GPHN: variants seen among roughly 807,000 people sequenced by gnomAD.
GPHN encodes the protein gephyrin.
In GPHN, 17 loss-of-function variants were observed where a neutral mutation model predicts 95.5. That is an observed-to-expected ratio of 0.18 (90% CI 0.12 to 0.27). The LOEUF is 0.27. Ranked by LOEUF, GPHN falls within the 10% of genes least tolerant of loss-of-function variation. The pLI is 1.00. For synonymous variants in GPHN, 320 were observed against 322.5 expected, an observed-to-expected ratio of 0.99 and a Z score of 0.08; for missense variants, 660 against 978.1, an observed-to-expected ratio of 0.67 and a Z score of 4.34.
the GPHN span, among the ~76,000 whole-genome samples, chr14:67,427,104 G>A: frequency 0.015 from 2,336 of 151,954 alleles, 20 homozygotes; most frequent in Middle Eastern, 0.02. Context: ...GGTAGCCAGA[G>A]TGTATTGTGT....
chr14:66,839,728 C>T (rs967922106), intron 4 of GPHN, among the ~76,000 whole-genome samples: 2 of 152,042 alleles, frequency 1.3e-5, no homozygotes, highest in African/African-American at 4.8e-5. Context: ...AAAAGAAATT[C>T]ATATCATGCT....
chr14:67,724,734 C>T, the GPHN span: 2 of 722,122 alleles, frequency 2.8e-6, no homozygotes, highest in Non-Finnish European at 5.0e-6. Context: ...TCAAGTCCAA[C>T]TGTGACACCA....
At chr14:67,306,944 T>A in the GPHN span, among the ~76,000 whole-genome samples, 2 of 152,218 alleles carry the variant, frequency 1.3e-5, no homozygotes, top group East Asian at 3.8e-4. Flanking sequence ...TCTTCCTGAT[T>A]TATGTTTTGT....
the GPHN span, chr14:67,384,651 G>A: frequency 6.6e-6 from 1 of 152,116 alleles, no homozygotes; most frequent in Admixed American, 6.5e-5. Context: ...AATATTAAAG[G>A]GTCTGGAAAA....
chr14:67,671,622 G>A, the GPHN span, among the ~76,000 whole-genome samples: 1 of 152,284 alleles, frequency 6.6e-6, no homozygotes, highest in South Asian at 2.1e-4. Context: ...AGACAACAAA[G>A]GTGAATGTAA....
chr14:67,132,846 C>A (rs1261186618), intron 17 of GPHN, among the ~76,000 whole-genome samples: 3 of 150,934 alleles, frequency 2.0e-5, no homozygotes, highest in Non-Finnish European at 1.5e-5. Context: ...TTTGTCATTT[C>A]TTTATATTAT....
the GPHN span, among the ~76,000 whole-genome samples, chr14:67,205,914 T>C: frequency 6.6e-6 from 1 of 152,224 alleles, no homozygotes; most frequent in African/African-American, 2.4e-5. Context: ...TCTGGTGCAG[T>C]GGCTCACATC....
At chr14:66,512,411 C>T (rs927525262) in intron 1 of GPHN, among the ~76,000 whole-genome samples, 1 of 151,706 alleles carries the variant, frequency 6.6e-6, no homozygotes, top group Non-Finnish European at 1.5e-5. Flanking sequence ...TACTGAATAT[C>T]GTATTAGTTC....
At chr14:66,717,665 T>C (rs757358363) in intron 2 of GPHN, among the ~76,000 whole-genome samples, 1 of 152,172 alleles carries the variant, frequency 6.6e-6, no homozygotes. Context: ...AGGGCTGAAG[T>C]CTGTTATTCA....
At chr14:67,679,529 G>T in the GPHN span, among the ~76,000 whole-genome samples, 1 of 151,774 alleles carries the variant, frequency 6.6e-6, no homozygotes, top group Non-Finnish European at 1.5e-5. Context: ...TCAGCCTCCA[G>T]AGTAGCTGGG....
the GPHN span, chr14:67,657,110 C>T: frequency 1.3e-5 from 2 of 152,292 alleles, no homozygotes; most frequent in Non-Finnish European, 2.9e-5. Context: ...TTTAAGCCTC[C>T]AGCACCTGGT....
intron 1 of GPHN, among the ~76,000 whole-genome samples, chr14:66,615,078 G>C (rs1429216289): frequency 6.6e-6 from 1 of 152,158 alleles, no homozygotes; most frequent in Non-Finnish European, 1.5e-5. Flanking sequence ...GTGTTCCATG[G>C]TGTATACGTA....
At chr14:67,111,504 C>A (rs910661915) in intron 14 of GPHN, among the ~76,000 whole-genome samples, 2 of 152,022 alleles carry the variant, frequency 1.3e-5, no homozygotes, top group African/African-American at 2.4e-5. Flanking sequence ...CCTCCACACA[C>A]GTTCACTTTA....
intron 1 of GPHN, among the ~76,000 whole-genome samples, chr14:66,556,467 T>G (rs966875539): frequency 6.6e-6 from 1 of 152,196 alleles, no homozygotes; most frequent in Non-Finnish European, 1.5e-5. Context: ...TTCTGTACTC[T>G]TGGTTCCTGC....
At chr14:66,650,294 T>G (rs550324441) in intron 1 of GPHN, among the ~76,000 whole-genome samples, 1 of 151,684 alleles carries the variant, frequency 6.6e-6, no homozygotes, top group African/African-American at 2.4e-5. Flanking sequence ...GCCTTTGGAG[T>G]TTTTCAAAAG....
the GPHN span, among the ~76,000 whole-genome samples, chr14:67,209,113 AT>A: frequency 6.6e-6 from 1 of 152,184 alleles, no homozygotes; most frequent in Admixed American, 6.5e-5. Flanking sequence ...AATAAAAGTA[AT>A]TTTCAATGGC....
intron 10 of GPHN, among the ~76,000 whole-genome samples, chr14:67,044,180 TACA>T (rs762994494): frequency 1.7e-4 from 26 of 152,052 alleles, no homozygotes; most frequent in Non-Finnish European, 3.1e-4. Context: ...CTACTAAAAA[TACA>T]ACAATTAGCC....
At chr14:67,198,149 A>C in the GPHN span, 2 of 1,605,932 alleles carry the variant, frequency 1.2e-6, no homozygotes, top group Non-Finnish European at 1.7e-6. Context: ...TTTTATGTTT[A>C]TGTGCAAGCG....
intron 2 of GPHN, among the ~76,000 whole-genome samples, chr14:66,712,307 C>A (rs1039896247): frequency 6.6e-5 from 10 of 152,018 alleles, no homozygotes; most frequent in Non-Finnish European, 1.0e-4. Flanking sequence ...ATGGTATCTC[C>A]TTGTGGTTTT....
Sources: allele counts gnomAD v4.1 joint callset (sites outside exome capture counted in the v4.1 genomes callset), GRCh38; gene constraint gnomAD v4.1.1; transcripts MANE v1.5; gene names NCBI Gene and HGNC (gene_info 2026-07-23, HGNC 2026-07-21).